Variants in TLE6 observed in about 807,000 individuals in gnomAD.
TLE6 encodes transducin-like enhancer protein 6.
A neutral mutation model predicts 77.1 loss-of-function variants in TLE6; 72 were observed. That is an observed-to-expected ratio of 0.93 (90% confidence interval 0.77 to 1.14). The LOEUF (loss-of-function observed/expected upper bound fraction) is 1.14, where lower values mean the gene tolerates loss of function less well. TLE6 is among the 50% of genes most tolerant of loss of function. The probability of loss-of-function intolerance (pLI) is 0.00; values close to 1 mark genes in which losing one functional copy is unlikely to be tolerated. For missense variants in TLE6, 843 were observed against 747.6 expected (o/e 1.13, Z -1.49); for synonymous variants, 366 against 287.3 (o/e 1.27, Z -2.77).
In TLE6 at chr19:2,994,072, C is replaced by A; in HGVS notation, c.1591C>A (p.Pro531Thr). The A allele has an allele frequency of 6.2e-7, 1 of 1,606,142 alleles. No homozygotes were observed. ...CGACTTCCTTGGCGTCTACAGCATG[C>A]CGGCGGGGACAAAAGTGTTCGAGGT... The part of the protein sequence containing the change: ...MDDFLGVYSM[P>T]AGTKVFEVPE... Residue 531 changes from proline to threonine, a missense_variant, in exon 16 of 17, where the codon CCG becomes ACG. By Grantham distance (38) the Pro-to-Thr change is conservative. Coordinates refer to ENST00000246112, the MANE Select transcript of TLE6 (RefSeq NM_001143986.2).
chr19:2,988,482 C>A (rs750535682), intron 11 of TLE6, among the ~76,000 whole-genome samples: 45 of 152,096 alleles, frequency 3.0e-4, no homozygotes, highest in Non-Finnish European at 5.7e-4. Flanking sequence ...CCTTTAGTCC[C>A]AGCTACTCGG....
At chr19:2,980,948 G>T (rs1253865609) in intron 3 of TLE6, among the ~76,000 whole-genome samples, 1 of 151,794 alleles carries the variant, frequency 6.6e-6, no homozygotes, top group African/African-American at 2.4e-5. Flanking sequence ...CTACTCAGGA[G>T]ACTGAGGCAG....
chr19:2,981,231 G>A (rs947535155), intron 3 of TLE6, among the ~76,000 whole-genome samples: 7 of 151,212 alleles, frequency 4.6e-5, no homozygotes, highest in Non-Finnish European at 1.0e-4. Flanking sequence ...GTGGTGGCAG[G>A]TGTCTGTAAT....
intron 5 of TLE6, 49 bp downstream of exon 5, chr19:2,982,238 T>G: frequency 6.5e-7 from 1 of 1,546,972 alleles, no homozygotes; most frequent in Non-Finnish European, 8.7e-7. Context: ...ATGAAAGGCA[T>G]GAGAAAGCAC....
At chr19:2,993,760 G>T (rs2089140583) in intron 15 of TLE6, among the ~76,000 whole-genome samples, 178 bp downstream of exon 15, 1 of 151,888 alleles carries the variant, frequency 6.6e-6, no homozygotes, top group Non-Finnish European at 1.5e-5. Flanking sequence ...GTGGGTGCCT[G>T]GGCCCTTCCT....
chr19:2,986,806 T>A lies in TLE6; in HGVS notation c.223-23T>A, dbSNP rs1599159706. 2.6e-6 allele frequency: 4 copies of A among 1,551,176 alleles called. No homozygotes were observed. In the East Asian group the frequency reaches 9.8e-5, roughly 38 times the overall value. The stretch of plus-strand genomic sequence containing the variant: ...CCTTAACTGCAACAACATTTAACTG[T>A]TTTGCTGCCAACCTCCTTCTAGATA... On this transcript the variant is annotated intron_variant, in intron 5 of 16. Transcript: ENST00000246112.
intron 9 of TLE6, 51 bp downstream of exon 9, chr19:2,987,841 G>GCAT: frequency 6.2e-7 from 1 of 1,613,594 alleles, no homozygotes; most frequent in Non-Finnish European, 8.5e-7. Context: ...TGGGGTGGGG[G>GCAT]CATCCTGTGC....
In TLE6 at chr19:2,981,253, G is replaced by A. The variant is rs146222191; in HGVS notation, c.135-285G>A. Among the ~76,000 whole-genome samples, 614 of 151,258 alleles carry A rather than the reference G, an allele frequency of 4.1e-3. 2 individuals carry two copies. Among genetic ancestry groups the A allele is most frequent in the African/African-American group, 0.014 (575 of 41,214 alleles). On this transcript the variant is annotated intron_variant, in intron 3 of 16. Coordinates refer to ENST00000246112, the MANE Select transcript of TLE6 (RefSeq NM_001143986.2). ...CAGGTGTCTGTAATCCCAGCTACTC[G>A]GGAGGTCGAGGCAGGAGGATCTCTT...
At chr19:2,985,510 G>A (rs1319610703) in intron 5 of TLE6, among the ~76,000 whole-genome samples, 3 of 72,614 alleles carry the variant, frequency 4.1e-5, no homozygotes, top group Non-Finnish European at 8.6e-5. Context: ...CTGGGTTCAA[G>A]CCATTCTCCT....
intron 5 of TLE6, 96 bp downstream of exon 5, chr19:2,982,285 C>G: frequency 7.1e-7 from 1 of 1,400,954 alleles, no homozygotes; most frequent in Non-Finnish European, 9.9e-7. Flanking sequence ...AACCTGTAAT[C>G]CCAGCACTTT....
At chr19:2,977,430 C>T (rs2088698539), upstream of TLE6, 1 of 152,242 alleles carries the variant, frequency 6.6e-6, no homozygotes, top group South Asian at 2.1e-4. Context: ...AACCCACGTG[C>T]AGCTACTGCG....
At position 2,988,083 on chromosome 19, in the gene TLE6, G is replaced by C. The variant is rs773984565; in HGVS notation, c.703-8G>C. 1 of 1,552,506 alleles carries C rather than the reference G, an allele frequency of 6.4e-7. No homozygotes were observed. Among genetic ancestry groups the C allele is most frequent in the Admixed American group, 2.0e-5 (1 of 51,054 alleles). On this transcript the variant is annotated splice_region_variant and splice_polypyrimidine_tract_variant and intron_variant, in intron 10 of 16. Coordinates refer to ENST00000246112, the MANE Select transcript of TLE6 (RefSeq NM_001143986.2). ...GCTGGGGGCAGCTGTGATCTCCCCC[G>C]CCTGCAGGAGCCTCCTGGAAGAGCC...
In TLE6 at chr19:2,986,871, C is replaced by A. The variant is rs1269398025; in HGVS notation, c.265C>A (p.Gln89Lys). The A allele has an allele frequency of 3.2e-6, 5 of 1,551,606 alleles. No homozygotes were observed. Among genetic ancestry groups the A allele is most frequent in the Non-Finnish European group, 4.4e-6 (5 of 1,147,024 alleles). The change falls in exon 6 of 17, where the codon CAG becomes AAG. Residue 89 changes from glutamine (Q) to lysine (K), a missense_variant. Transcript: ENST00000246112. ...LQIVESCSQLQGFQSEEVSPA... is the reference protein window; with the variant it reads ...LQIVESCSQLKGFQSEEVSPA... The stretch of plus-strand genomic sequence containing the variant: ...GATTGTGGAGAGCTGCAGCCAACTC[C>A]AGGGTTTCCAGTCTGAGGAGGTGAG...
At chr19:2,981,971 G>GA (rs569320638) in intron 4 of TLE6, among the ~76,000 whole-genome samples, 177 bp from the exon 5 acceptor site, 166 of 151,138 alleles carry the variant, frequency 1.1e-3, no homozygotes, top group African/African-American at 3.9e-3. Flanking sequence ...TCTCTCTGAG[G>GA]AAAAAAAAGG....
In TLE6 at chr19:2,987,189, G is replaced by C. The variant is rs1354247367; in HGVS notation, c.492G>C (p.Trp164Cys). ...ACGACACTCTGACCGAGCAACTCTG[G>C]CGGATTTTTGCCGGCGTCCACGATG... ...FWHDTLTEQL[W>C]RIFAGVHDEK... The change falls in exon 7 of 17, where the codon TGG (tryptophan) becomes TGC (cysteine). Residue 164 changes from tryptophan (W) to cysteine (C), a missense_variant. Coordinates refer to ENST00000246112, the MANE Select transcript of TLE6 (RefSeq NM_001143986.2). 6.2e-7 allele frequency: 1 copy of C among 1,613,978 alleles called. No individual in the cohort carries two copies. Among genetic ancestry groups the C allele is most frequent in the Non-Finnish European group, 8.5e-7 (1 of 1,180,054 alleles).
At position 2,987,014 on chromosome 19, in the gene TLE6, C is replaced by T. The variant is rs369167598; in HGVS notation, c.317C>T (p.Thr106Met). 1.4e-4 allele frequency: 231 copies of T among 1,613,100 alleles called. No individual in the cohort carries two copies. Among genetic ancestry groups the T allele is most frequent in the Admixed American group, 4.2e-4 (25 of 59,962 alleles). ...CCTGCTGAACCAGCCAGCCCTGGGA[C>T]GCCCCAGCAGGTGAAGGACAAGACC... Reference protein sequence around the residue: ...VSPAEPASPGTPQQVKDKTLQ... With the variant: ...VSPAEPASPGMPQQVKDKTLQ... The change falls in exon 7 of 17, where the codon ACG (threonine) becomes ATG (methionine). Residue 106 changes from threonine to methionine, a missense_variant. Physicochemically the swap from Thr to Met is moderately conservative, Grantham distance 81. Coordinates refer to ENST00000246112, the MANE Select transcript of TLE6 (RefSeq NM_001143986.2).
At chr19:2,988,288 G>A (rs1382544147) in intron 11 of TLE6, among the ~76,000 whole-genome samples, 160 bp downstream of exon 11, 1 of 152,166 alleles carries the variant, frequency 6.6e-6, no homozygotes, top group African/African-American at 2.4e-5. Context: ...AGCCGCTGCA[G>A]AGGCTGGGTA....
intron 4 of TLE6, 148 bp from the exon 5 acceptor site, chr19:2,982,000 G>A (rs2088808129): frequency 1.5e-5 from 11 of 744,572 alleles, no homozygotes; most frequent in Middle Eastern, 3.4e-4. Context: ...ATACATCAGT[G>A]TAGTAAGAAA....
chr19:2,994,834 C>G, intron 16 of TLE6, 66 bp from the exon 17 acceptor site: 2 of 890,682 alleles, frequency 2.2e-6, no homozygotes, highest in Middle Eastern at 2.2e-4. Context: ...CATGCTTGAG[C>G]TGACAGGTGG....
Sources: allele counts gnomAD v4.1 joint callset (sites outside exome capture counted in the v4.1 genomes callset), GRCh38; gene constraint gnomAD v4.1.1; transcripts MANE v1.5; gene names NCBI Gene and HGNC (gene_info 2026-07-23, HGNC 2026-07-21).